ATXN10: variants seen among roughly 807,000 people sequenced by gnomAD.
The protein encoded by ATXN10 is ataxin 10.
In ATXN10, 28 loss-of-function variants were observed where a neutral mutation model predicts 52.9. The observed-to-expected ratio is 0.53, with a 90% CI of 0.39 to 0.73. The LOEUF is 0.73. Among genes scored for constraint, ATXN10 ranks in the 30% least tolerant of loss-of-function variants. The pLI is 0.00. For missense variants in ATXN10, 565 were observed against 577.0 expected (o/e 0.98, Z 0.21); for synonymous variants, 226 against 221.5 (o/e 1.02, Z -0.18).
chr22:45,735,812 CTTTTTTTTTTT>C (rs746222703), intron 7 of ATXN10, among the ~76,000 whole-genome samples: 1 of 65,818 alleles, frequency 1.5e-5, no homozygotes, highest in Non-Finnish European at 2.9e-5. Context: ...ATTTGCTTGT[CTTTTTTTTTTT>C]TTTTTTTTTT....
rs747787715 is a variant in ATXN10 at position 45,795,415 on chromosome 22, A to ATTCTATTCTG, written c.1174-11535_1174-11534insGTTCTATTCT. Among the ~76,000 whole-genome samples the ATTCTATTCTG allele has an allele frequency of 7.5e-6, 1 of 134,076 alleles. No individual in the cohort carries two copies. The highest frequency in any genetic ancestry group is 2.8e-5 in the African/African-American group (1 of 35,282). 88.0% of individuals were successfully genotyped at this position (134,076 alleles called of 152,430 possible). The stretch of plus-strand genomic sequence containing the variant: ...ATTCTATTCTATTCTATTCTATTCT[A>ATTCTATTCTG]TTCTATTCTTTTTGAGATGAAGTCT... On this transcript the variant is annotated intron_variant, in intron 9 of 11. Transcript: ENST00000252934. This position sits in a 1 kb window ranked among gnomAD's most constrained non-coding sequence, Gnocchi z 4.6.
chr22:45,804,892 T>G (rs553220010), intron 9 of ATXN10, among the ~76,000 whole-genome samples: 30 of 152,336 alleles, frequency 2.0e-4, no homozygotes, highest in African/African-American at 7.0e-4. Flanking sequence ...GTTCAGAGTA[T>G]TTAAAAATAC....
In ATXN10 at chr22:45,700,330, A is replaced by C. The variant is rs1923791981; in HGVS notation, c.440A>C (p.Glu147Ala). 3 of 1,614,012 alleles carry C rather than the reference A, an allele frequency of 1.9e-6. No individual in the cohort carries two copies. Among genetic ancestry groups the C allele is most frequent in the Non-Finnish European group, 2.5e-6 (3 of 1,180,014 alleles). ...TTAGGCAACATTGCCTCACGGAATG[A>C]AGATTCCCAGTCTATTGTTTGGGTG... The part of the protein sequence containing the change: ...QFLGNIASRN[E>A]DSQSIVWVHA... The change falls in exon 4 of 12, where the codon GAA (glutamate) becomes GCA (alanine). Residue 147 changes from glutamate to alanine, a missense_variant. Glu to Ala is a moderately radical substitution (Grantham distance 107). Transcript: ENST00000252934.
At position 45,820,504 on chromosome 22, in the gene ATXN10, T is replaced by C. The variant is rs1928611517; in HGVS notation, c.1237+13482T>C. Among the ~76,000 whole-genome samples, 1 of 152,196 alleles carries C rather than the reference T, an allele frequency of 6.6e-6. No homozygotes were observed. Among genetic ancestry groups the C allele is most frequent in the Non-Finnish European group, 1.5e-5 (1 of 68,034 alleles). On this transcript the variant is annotated intron_variant, in intron 10 of 11. Coordinates refer to ENST00000252934, the MANE Select transcript of ATXN10 (RefSeq NM_013236.4). The surrounding 1 kb of genome is among the most constrained non-coding windows in gnomAD (Gnocchi z 4.9). ...TTTTCTGCCTGGAGTTGACTGCTTC[T>C]TATGGAGTGAGATGGGGTGGCTGGA...
At position 45,790,997 on chromosome 22, in the gene ATXN10, G is replaced by T. The variant is rs1027952858; in HGVS notation, c.1174-15962G>T. 6.6e-6 allele frequency among the ~76,000 whole-genome samples: 1 copy of T among 152,090 alleles called. No individual in the cohort carries two copies. The highest frequency in any genetic ancestry group is 1.5e-5 in the Non-Finnish European group (1 of 68,010). On this transcript the variant is annotated intron_variant, in intron 9 of 11. Coordinates refer to ENST00000252934, the MANE Select transcript of ATXN10 (RefSeq NM_013236.4). This position sits in a 1 kb window ranked among gnomAD's most constrained non-coding sequence, Gnocchi z 4.7. ...AGCCTCCCCAGTAGCTGGGACTACA[G>T]TTACACACTGTCACACCCAGCTAAT... is the stretch of plus-strand genomic sequence containing the variant.
rs923547233 is a variant in ATXN10, at chr22:45,694,607, C to T, written c.391+1529C>T. Among the ~76,000 whole-genome samples the T allele has an allele frequency of 6.6e-5, 10 of 152,028 alleles. No homozygotes were observed. The South Asian group carries it at 1.7e-3, about 25-fold the overall frequency. ...GACCAGCCTGGCCAACATGGTGAAA[C>T]CCCCTCTCTACTAAAAATACAAAAA... On this transcript the variant is annotated intron_variant, in intron 3 of 11. Coordinates refer to ENST00000252934, the MANE Select transcript of ATXN10 (RefSeq NM_013236.4).
intron 10 of ATXN10, among the ~76,000 whole-genome samples, chr22:45,834,645 C>T (rs764231261): frequency 8.5e-5 from 13 of 152,170 alleles, no homozygotes; most frequent in Non-Finnish European, 1.2e-4. Flanking sequence ...GCTACCGCCT[C>T]ATAAGTAGAT....
chr22:45,738,438 A>G (rs1418457557), intron 7 of ATXN10: 1 of 353,546 alleles, frequency 2.8e-6, no homozygotes. Flanking sequence ...CCACTGTTGG[A>G]ATGTCTTTTT....
At chr22:45,776,114 T>C (rs1219048094) in intron 9 of ATXN10, among the ~76,000 whole-genome samples, 2 of 152,200 alleles carry the variant, frequency 1.3e-5, no homozygotes, top group Non-Finnish European at 2.9e-5. Context: ...GATGGTGATA[T>C]ACTCTGTAAG....
At chr22:45,751,747 AAAAAAAAT>A (rs1569049534) in intron 9 of ATXN10, among the ~76,000 whole-genome samples, 55 of 60,694 alleles carry the variant, frequency 9.1e-4, no homozygotes, top group Admixed American at 3.2e-3. Context: ...CTGGAAAAAA[AAAAAAAAT>A]AAAAAAAAAA....
In ATXN10 at chr22:45,818,284, T is replaced by C. The variant is rs1020992750; in HGVS notation, c.1237+11262T>C. ...CTTCTTTCCAGGGCATTAACAGTTA[T>C]GCACTTGTGTGTCTTTAGAGCCATG... On this transcript the variant is annotated intron_variant, in intron 10 of 11. Transcript: ENST00000252934. The surrounding 1 kb of genome is among the most constrained non-coding windows in gnomAD (Gnocchi z 4.6). Among the ~76,000 whole-genome samples, 2 of 152,208 alleles carry C rather than the reference T, an allele frequency of 1.3e-5. No homozygotes were observed. The highest frequency in any genetic ancestry group is 1.5e-5 in the Non-Finnish European group (1 of 68,044).
At chr22:45,831,451 A>T (rs1293780622) in intron 10 of ATXN10, among the ~76,000 whole-genome samples, 1 of 152,184 alleles carries the variant, frequency 6.6e-6, no homozygotes, top group African/African-American at 2.4e-5. Context: ...TCAGATCCTC[A>T]TCAGGGGCCT....
rs1473597767 is a variant in ATXN10 at position 45,781,348 on chromosome 22, A to T, written c.1174-25611A>T. Among the ~76,000 whole-genome samples the T allele has an allele frequency of 6.6e-6, 1 of 152,092 alleles. No homozygotes were observed. Among genetic ancestry groups the T allele is most frequent in the East Asian group, 1.9e-4 (1 of 5,186 alleles). On this transcript the variant is annotated intron_variant, in intron 9 of 11. Coordinates refer to ENST00000252934, the MANE Select transcript of ATXN10 (RefSeq NM_013236.4). This position sits in a 1 kb window ranked among gnomAD's most constrained non-coding sequence, Gnocchi z 4.2. ...TGTCAGCAGAGACCGAGTAGGGAGC[A>T]TGAACAACCAGCTCTGCCCAGCAGT... is the stretch of plus-strand genomic sequence containing the variant.
rs566774994 is a variant in ATXN10, at chr22:45,769,071, G to A, written c.1173+28533G>A. ...TGACAACATGGTGGTTTCTGAAGCCGAATGTTGGGTGTGTGAGTATGTATT... is the reference window on the plus strand; with the variant it reads ...TGACAACATGGTGGTTTCTGAAGCCAAATGTTGGGTGTGTGAGTATGTATT... On this transcript the variant is annotated intron_variant, in intron 9 of 11. Transcript: ENST00000252934. This position sits in a 1 kb window ranked among gnomAD's most constrained non-coding sequence, Gnocchi z 4.2. Among the ~76,000 whole-genome samples the A allele has an allele frequency of 1.4e-4, 21 of 152,146 alleles. No homozygotes were observed. In the East Asian group the frequency reaches 3.9e-3, roughly 28 times the overall value.
chr22:45,711,439 G>A (rs1303184914), intron 5 of ATXN10, among the ~76,000 whole-genome samples: 1 of 152,130 alleles, frequency 6.6e-6, no homozygotes, highest in Non-Finnish European at 1.5e-5. Flanking sequence ...TCTCACCTGT[G>A]AGAGGGGATC....
rs760928621 is a variant in ATXN10, at chr22:45,701,763, T to G, written c.489-926T>G. 6.6e-5 allele frequency among the ~76,000 whole-genome samples: 10 copies of G among 152,162 alleles called. No individual in the cohort carries two copies. Among genetic ancestry groups the G allele is most frequent in the Non-Finnish European group, 1.2e-4 (8 of 68,036 alleles). Reference sequence around the variant, plus strand: ...GAAGTAAAGGAACAGGCACATAGGTTGTGATGTAAGAACTAAGGTAATTAG... The same window carrying G: ...GAAGTAAAGGAACAGGCACATAGGTGGTGATGTAAGAACTAAGGTAATTAG... On this transcript the variant is annotated intron_variant, in intron 4 of 11. Coordinates refer to ENST00000252934, the MANE Select transcript of ATXN10 (RefSeq NM_013236.4). This position sits in a 1 kb window ranked among gnomAD's most constrained non-coding sequence, Gnocchi z 4.2.
chr22:45,762,033 TC>T lies in ATXN10; in HGVS notation c.1173+21497del, dbSNP rs1282867868. ...CCAGGTTTTCTGATTTTTAAAAACT[TC>T]CTATTTAGTCATATGTTTTTACTTC... On this transcript the variant is annotated intron_variant, in intron 9 of 11. Coordinates refer to ENST00000252934, the MANE Select transcript of ATXN10 (RefSeq NM_013236.4). The surrounding 1 kb of genome is among the most constrained non-coding windows in gnomAD (Gnocchi z 4.3). Among the ~76,000 whole-genome samples the T allele has an allele frequency of 1.3e-5, 2 of 152,242 alleles. No individual in the cohort carries two copies. The highest frequency in any genetic ancestry group is 1.9e-4 in the East Asian group (1 of 5,194).
intron 1 of ATXN10, among the ~76,000 whole-genome samples, chr22:45,686,277 C>G (rs1923131666): frequency 6.6e-6 from 1 of 152,178 alleles, no homozygotes; most frequent in Admixed American, 6.5e-5. Context: ...AGTCTCATCA[C>G]TGTTTAAAAC....
chr22:45,705,968 G>A lies in ATXN10; in HGVS notation c.647+3121G>A, dbSNP rs1352101054. On this transcript the variant is annotated intron_variant, in intron 5 of 11. Transcript: ENST00000252934. The surrounding 1 kb of genome is among the most constrained non-coding windows in gnomAD (Gnocchi z 5.2). ...TCTTGTCAGATCATCAGCCACATTC[G>A]ATTCTCTTAGGAGCACAAACCCTGT... Among the ~76,000 whole-genome samples, 2 of 152,120 alleles carry A rather than the reference G, an allele frequency of 1.3e-5. No individual in the cohort carries two copies. The highest frequency in any genetic ancestry group is 6.5e-5 in the Admixed American group (1 of 15,270).
Sources: allele counts gnomAD v4.1 joint callset (sites outside exome capture counted in the v4.1 genomes callset), GRCh38; gene constraint gnomAD v4.1.1; non-coding constraint Gnocchi (gnomAD v3.1); transcripts MANE v1.5; gene names NCBI Gene and HGNC (gene_info 2026-07-23, HGNC 2026-07-21).